Variants in SLCO4C1 observed in about 807,000 individuals in gnomAD.
SLCO4C1 encodes organic anion transporter M1.
Under a neutral mutation model 72.1 loss-of-function variants are expected in SLCO4C1, and 58 were observed. That is an observed-to-expected ratio of 0.80 (90% CI 0.65 to 1.00). The LOEUF is 1.00. Among genes scored for constraint, SLCO4C1 ranks in the 50% least tolerant of loss-of-function variants. The pLI is 0.00. For synonymous variants in SLCO4C1, 297 were observed against 312.5 expected (o/e 0.95, Z 0.52); for missense variants, 898 against 857.9 (o/e 1.05, Z -0.58).
At position 102,260,180 on chromosome 5, in the gene SLCO4C1, C is replaced by A. The variant is rs1341546779; in HGVS notation, c.1128+33G>T. 8 of 609,832 alleles carry A rather than the reference C, an allele frequency of 1.3e-5. 1 individual carries two copies. The highest frequency in any genetic ancestry group is 1.8e-5 in the Non-Finnish European group (8 of 447,796). The allele number at this position is 609,832 out of a possible 1,614,324, so 37.8% of individuals were successfully genotyped here. ...TGTGTATATGTGTGTGTGTATGAGA[C>A]TGAGAGAGAGACAGAGAAGAATTTT... On this transcript the variant is annotated intron_variant, in intron 6 of 12. Coordinates refer to ENST00000310954, the MANE Select transcript of SLCO4C1 (RefSeq NM_180991.5).
At position 102,257,253 on chromosome 5, in the gene SLCO4C1, G is replaced by A. The variant is rs1442175083; in HGVS notation, c.1331C>T (p.Ser444Leu). Residue 444 changes from serine (S) to leucine (L), a missense_variant, in exon 8 of 13, where the codon TCA (serine) becomes TTA (leucine). Physicochemically the swap from Ser to Leu is moderately radical, Grantham distance 145 (BLOSUM62 -2). Transcript: ENST00000310954. ...LGQILGGFLV[S>L]KFRMTCKNTM... Reference sequence around the variant, plus strand: ...GTTTTTACATGTCATTCTGAATTTTGAAACAAGGAAGCCACCTAAAATTTG... The same window carrying A: ...GTTTTTACATGTCATTCTGAATTTTAAAACAAGGAAGCCACCTAAAATTTG... The A allele has an allele frequency of 6.2e-7, 1 of 1,608,118 alleles. No homozygotes were observed. The highest frequency in any genetic ancestry group is 2.2e-5 in the East Asian group (1 of 44,472).
intron 10 of SLCO4C1, among the ~76,000 whole-genome samples, chr5:102,245,519 C>A (rs1411811324): frequency 1.3e-5 from 2 of 152,120 alleles, no homozygotes; most frequent in African/African-American, 4.8e-5. Flanking sequence ...ATGTAGCCAA[C>A]ACTGAATCAC....
chr5:102,249,766 T>C lies in SLCO4C1; in HGVS notation c.1492A>G (p.Ile498Val), dbSNP rs1748703898. ...YNGTGELGNLIAPCNANCNCS... is the reference protein window; with the variant it reads ...YNGTGELGNLVAPCNANCNCS... ...TTACAATTGGCATTACAAGGGGCTA[T>C]CAAGTTTCCCAATTCTCCAGTCCTG... Residue 498 changes from isoleucine (I) to valine (V), a missense_variant, in exon 9 of 13, where the codon ATA becomes GTA. By Grantham distance (29) the Ile-to-Val change is conservative (BLOSUM62 3). Coordinates refer to ENST00000310954, the MANE Select transcript of SLCO4C1 (RefSeq NM_180991.5). The C allele has an allele frequency of 6.2e-7, 1 of 1,613,766 alleles. No individual in the cohort carries two copies. Among genetic ancestry groups the C allele is most frequent in the Non-Finnish European group, 8.5e-7 (1 of 1,179,850 alleles).
chr5:102,278,020 A>G (rs1231648809), intron 2 of SLCO4C1, among the ~76,000 whole-genome samples: 1 of 152,154 alleles, frequency 6.6e-6, no homozygotes, highest in Non-Finnish European at 1.5e-5. Flanking sequence ...ACATACTAGT[A>G]TTTACATTAC....
intron 10 of SLCO4C1, 21 bp from the exon 11 acceptor site, chr5:102,240,803 T>C (rs1168136170): frequency 1.9e-6 from 3 of 1,579,592 alleles, no homozygotes; most frequent in Non-Finnish European, 2.6e-6. Flanking sequence ...TAAATATATA[T>C]GAGACCAAAA....
intron 9 of SLCO4C1, among the ~76,000 whole-genome samples, chr5:102,248,688 T>C (rs1748680471): frequency 6.6e-6 from 1 of 152,144 alleles, no homozygotes; most frequent in African/African-American, 2.4e-5. Flanking sequence ...AAAATTGTCA[T>C]ATAACTCTTA....
chr5:102,240,454 T>C (rs1240546376), intron 11 of SLCO4C1, among the ~76,000 whole-genome samples: 1 of 152,154 alleles, frequency 6.6e-6, no homozygotes, highest in Admixed American at 6.5e-5. Context: ...TTGATGATCA[T>C]ATTTTATATT....
chr5:102,273,786 A>G (rs1037894395), intron 2 of SLCO4C1, among the ~76,000 whole-genome samples: 13 of 152,204 alleles, frequency 8.5e-5, no homozygotes, highest in African/African-American at 3.1e-4. Context: ...TTGTACTTTT[A>G]TAATACAGTT....
chr5:102,237,842 ATC>A (rs1748467964), intron 12 of SLCO4C1, among the ~76,000 whole-genome samples: 1 of 152,200 alleles, frequency 6.6e-6, no homozygotes, highest in Non-Finnish European at 1.5e-5. Context: ...TACTCTTCTT[ATC>A]AGCTAAAAAT....
At chr5:102,292,749 G>A (rs1209491927) in intron 1 of SLCO4C1, among the ~76,000 whole-genome samples, 1 of 152,098 alleles carries the variant, frequency 6.6e-6, no homozygotes, top group African/African-American at 2.4e-5. Flanking sequence ...TCCAGATATA[G>A]ATTAAACTTA....
intron 2 of SLCO4C1, among the ~76,000 whole-genome samples, chr5:102,287,796 C>T (rs1290396009): frequency 5.9e-5 from 9 of 151,834 alleles, no homozygotes; most frequent in South Asian, 2.1e-4. Flanking sequence ...CCTTGTGATC[C>T]GCCCACCTTG....
intron 1 of SLCO4C1, among the ~76,000 whole-genome samples, chr5:102,295,452 T>C (rs919807054): frequency 6.6e-6 from 1 of 152,196 alleles, no homozygotes; most frequent in African/African-American, 2.4e-5. Context: ...TTCTTCCTTG[T>C]AAGGCATCCC....
chr5:102,241,260 A>T (rs950476181), intron 10 of SLCO4C1, among the ~76,000 whole-genome samples: 3 of 152,176 alleles, frequency 2.0e-5, no homozygotes. Flanking sequence ...AGTCCTATCC[A>T]GAGTAAGTAG....
intron 7 of SLCO4C1, 84 bp from the exon 8 acceptor site, chr5:102,257,394 G>T: frequency 9.4e-7 from 1 of 1,065,446 alleles, no homozygotes; most frequent in Non-Finnish European, 1.3e-6. Context: ...TCAAAAACAA[G>T]TGTCAATATG....
At chr5:102,267,251 C>T (rs764106625) in intron 3 of SLCO4C1, among the ~76,000 whole-genome samples, 2 of 152,144 alleles carry the variant, frequency 1.3e-5, no homozygotes, top group South Asian at 4.1e-4. Context: ...AGCCATCCAG[C>T]CCTGGGCTTT....
chr5:102,268,100 G>T (rs886738982), intron 3 of SLCO4C1, among the ~76,000 whole-genome samples: 2 of 152,024 alleles, frequency 1.3e-5, no homozygotes, highest in African/African-American at 4.8e-5. Flanking sequence ...TACCTGTTAG[G>T]TCAATTTGGT....
chr5:102,237,073 T>A, intron 12 of SLCO4C1, 55 bp from the exon 13 acceptor site: 1 of 1,466,934 alleles, frequency 6.8e-7, no homozygotes, highest in Non-Finnish European at 9.1e-7. Context: ...TGATAAAAAT[T>A]ATCACTGAGA....
At chr5:102,249,529 G>T in intron 9 of SLCO4C1, 109 bp downstream of exon 9, 2 of 1,084,168 alleles carry the variant, frequency 1.8e-6, no homozygotes, top group Non-Finnish European at 2.7e-6. Context: ...CTTAACGGAG[G>T]CAATGGAGCA....
intron 3 of SLCO4C1, among the ~76,000 whole-genome samples, chr5:102,264,089 CAT>C (rs1561373399): frequency 1.3e-5 from 2 of 152,154 alleles, no homozygotes; most frequent in African/African-American, 4.8e-5. Flanking sequence ...TGATAGTGAT[CAT>C]AGTTACACTT....
Sources: gnomAD v4.1 joint callset for allele counts (sites outside exome capture counted in the v4.1 genomes callset) on GRCh38, gnomAD v4.1.1 for gene constraint, MANE v1.5 for transcripts, NCBI Gene and HGNC (gene_info 2026-07-23, HGNC 2026-07-21) for gene names.